SIM1: variants seen among roughly 807,000 people sequenced by gnomAD.
SIM1 encodes the protein single-minded homolog 1.
SIM1 carries 18 observed loss-of-function variants against 78.2 expected under a neutral mutation model. The ratio of observed to expected loss-of-function variants is 0.23; its 90% CI spans 0.16 to 0.34. The LOEUF (loss-of-function observed/expected upper bound fraction) is 0.34, where lower values mean the gene tolerates loss of function less well. Ranked by LOEUF, SIM1 falls within the 10% of genes least tolerant of loss-of-function variation. The pLI is 1.00. For synonymous variants in SIM1, 417 were observed against 385.2 expected (o/e 1.08, Z -0.97); for missense variants, 939 against 975.1 (o/e 0.96, Z 0.49).
Position 100,393,878 on chromosome 6 carries a change from A to T in SIM1, c.1179T>A (p.Phe393Leu), listed in dbSNP as rs772775860. ...GATCAGATTCCGATCTTTCTGTGTG[A>T]AATCCCGAATACTGAAACCGAGTAG... ...RTSPYPQYSG[F>L]HTERSESDHD... The change falls in exon 11 of 12, where the codon TTT becomes TTA. Residue 393 changes from phenylalanine (F) to leucine (L), a missense_variant. Around this residue, in one of 5 missense-constraint regions of SIM1, gnomAD observed 556 missense variants for 521.9 expected, o/e 1.07. Transcript: ENST00000369208. 1 of 1,557,932 alleles carries T rather than the reference A, an allele frequency of 6.4e-7. No individual in the cohort carries two copies. Among genetic ancestry groups the T allele is most frequent in the African/African-American group, 1.4e-5 (1 of 73,316 alleles).
rs749247313 is a variant in SIM1 at position 100,390,369 on chromosome 6, C to T, written c.2293G>A (p.Gly765Arg). ...AATATTTCAGCAAAACATCAGCTTCCGTTGGTTATTATAACAGATGTTCCC... is the reference window on the plus strand; with the variant it reads ...AATATTTCAGCAAAACATCAGCTTCTGTTGGTTATTATAACAGATGTTCCC... ...HKGTSVIITN[G>R]S Residue 765 changes from glycine (G) to arginine (R), a missense_variant, in exon 12 of 12, where the codon GGA becomes AGA. Gly to Arg is a moderately radical substitution (Grantham distance 125). Transcript: ENST00000369208. 16 of 1,610,752 alleles carry T rather than the reference C, an allele frequency of 9.9e-6. No individual in the cohort carries two copies. The highest frequency in any genetic ancestry group is 2.2e-5 in the East Asian group (1 of 44,858).
intron 10 of SIM1, among the ~76,000 whole-genome samples, chr6:100,402,402 T>C (rs1770936662): frequency 6.6e-6 from 1 of 152,046 alleles, no homozygotes; most frequent in Non-Finnish European, 1.5e-5. Context: ...AGCTGGAAGG[T>C]AGTTTGGTAC....
intron 9 of SIM1, among the ~76,000 whole-genome samples, chr6:100,424,648 C>T (rs965510884): frequency 6.6e-6 from 1 of 151,746 alleles, no homozygotes; most frequent in Admixed American, 6.6e-5. Context: ...TCTGTGTTGC[C>T]CAGGTTGGTC....
At chr6:100,406,120 G>C (rs1876156) in intron 10 of SIM1, among the ~76,000 whole-genome samples, 51,942 of 152,046 alleles carry the variant, frequency 0.34, 9,722 homozygotes, top group East Asian at 0.74. Flanking sequence ...TCCCAACTTG[G>C]ATAGATAATG....
intron 10 of SIM1, among the ~76,000 whole-genome samples, chr6:100,416,731 T>G (rs1239825674): frequency 1.3e-5 from 2 of 152,132 alleles, no homozygotes; most frequent in African/African-American, 4.8e-5. Context: ...AAAAGTAAGC[T>G]TTAAAAGTAT....
chr6:100,416,792 A>G (rs185438476), intron 10 of SIM1, among the ~76,000 whole-genome samples: 4 of 152,288 alleles, frequency 2.6e-5, no homozygotes, highest in Non-Finnish European at 4.4e-5. Context: ...ACAAGAAAAG[A>G]TACAAGCAAC....
At chr6:100,411,914 G>GA in intron 10 of SIM1, among the ~76,000 whole-genome samples, 1 of 152,292 alleles carries the variant, frequency 6.6e-6, no homozygotes, top group Non-Finnish European at 1.5e-5. Context: ...CGTGGGGGCA[G>GA]AAAAAGACAA....
At chr6:100,457,259 A>G (rs1325359895) in intron 2 of SIM1, among the ~76,000 whole-genome samples, 1 of 152,218 alleles carries the variant, frequency 6.6e-6, no homozygotes, top group Non-Finnish European at 1.5e-5. Flanking sequence ...ATCTCAATAG[A>G]AATGTATCCT....
intron 3 of SIM1, 106 bp from the exon 4 acceptor site, chr6:100,450,462 G>A: frequency 1.1e-6 from 1 of 942,850 alleles, no homozygotes; most frequent in South Asian, 1.4e-5. Context: ...GTAGAGAGAT[G>A]GAGTGGAGCA....
At chr6:100,401,554 A>C (rs2114475226) in intron 10 of SIM1, among the ~76,000 whole-genome samples, 1 of 152,134 alleles carries the variant, frequency 6.6e-6, no homozygotes, top group African/African-American at 2.4e-5. Context: ...TATGTAACCT[A>C]CTCTAAAATG....
chr6:100,392,042 C>T (rs1386084827), intron 11 of SIM1, among the ~76,000 whole-genome samples: 1 of 152,120 alleles, frequency 6.6e-6, no homozygotes, highest in East Asian at 1.9e-4. Flanking sequence ...GGCGTGGTGG[C>T]AGGCCCCTAT....
In SIM1 at chr6:100,386,024, A is replaced by G. The variant is rs1364964834; in HGVS notation, c.*4337T>C. The G allele has an allele frequency of 1.3e-5, 2 of 152,078 alleles. No homozygotes were observed. The highest frequency in any genetic ancestry group is 2.9e-5 in the Non-Finnish European group (2 of 67,932). 9.4% of individuals were successfully genotyped at this position (152,078 alleles called of 1,614,324 possible). On this transcript the variant is annotated 3_prime_UTR_variant, in exon 12 of 12. Transcript: ENST00000369208. ...ATGTTTTATCCACAATTAGTTCCAC[A>G]GTAAGAACTAGTTCAGTAGATTTTT...
chr6:100,437,573 T>C (rs1772088497), intron 9 of SIM1: 1 of 138,522 alleles, frequency 7.2e-6, no homozygotes, highest in Non-Finnish European at 1.6e-5. Flanking sequence ...GTCTAGATGC[T>C]AAAAAGAAAA....
chr6:100,434,269 G>T (rs1771982605), intron 9 of SIM1, among the ~76,000 whole-genome samples: 1 of 152,112 alleles, frequency 6.6e-6, no homozygotes, highest in Admixed American at 6.6e-5. Flanking sequence ...ACCCTGCAAG[G>T]GTCCATTACC....
At position 100,386,868 on chromosome 6, in the gene SIM1, G is replaced by A. The variant is rs768217164; in HGVS notation, c.*3493C>T. 4 of 152,008 alleles carry A rather than the reference G, an allele frequency of 2.6e-5. No homozygotes were observed. Among genetic ancestry groups the A allele is most frequent in the Non-Finnish European group, 4.4e-5 (3 of 67,916 alleles). 9.4% of individuals were successfully genotyped at this position (152,008 alleles called of 1,614,324 possible). A position where few individuals can be genotyped will look rare whatever the true frequency, so the allele number is the denominator to read the frequency against. On this transcript the variant is annotated 3_prime_UTR_variant, in exon 12 of 12. Transcript: ENST00000369208. ...TCAGGCAATTACAGTTTAGGTAAGC[G>A]AGCACAATATGACAAAAGACTTGTG...
chr6:100,402,538 G>T (rs2114476523), intron 10 of SIM1, among the ~76,000 whole-genome samples: 1 of 141,006 alleles, frequency 7.1e-6, no homozygotes, highest in East Asian at 2.4e-4. Flanking sequence ...AGCCTTTCTT[G>T]GTATTGACAT....
chr6:100,461,608 C>A (rs1338413965), intron 2 of SIM1, among the ~76,000 whole-genome samples: 1 of 152,228 alleles, frequency 6.6e-6, no homozygotes, highest in Non-Finnish European at 1.5e-5. Flanking sequence ...GCTGACAAAT[C>A]ACTGCTAATA....
chr6:100,388,298 CTG>C lies in SIM1; in HGVS notation c.*2061_*2062del, dbSNP rs1429575814. On this transcript the variant is annotated 3_prime_UTR_variant, in exon 12 of 12. Coordinates refer to ENST00000369208, the MANE Select transcript of SIM1 (RefSeq NM_005068.3). ...GCTCACTTATACAAAACATCGCCCTCTGTATACTCAGGTTTCACATTTCTCCA... is the reference window on the plus strand; with the variant it reads ...GCTCACTTATACAAAACATCGCCCTCTATACTCAGGTTTCACATTTCTCCA... 1 of 152,120 alleles carries C rather than the reference CTG, an allele frequency of 6.6e-6. No individual in the cohort carries two copies. Among genetic ancestry groups the C allele is most frequent in the Non-Finnish European group, 1.5e-5 (1 of 68,016 alleles). 9.4% of individuals were successfully genotyped at this position (152,120 alleles called of 1,614,324 possible).
chr6:100,431,298 TTCA>T (rs911085562), intron 9 of SIM1, among the ~76,000 whole-genome samples: 39 of 152,370 alleles, frequency 2.6e-4, no homozygotes, highest in African/African-American at 9.4e-4. Flanking sequence ...GTGCAAACAG[TTCA>T]TTCATACCTA....
Sources: gnomAD v4.1 joint callset for allele counts (sites outside exome capture counted in the v4.1 genomes callset) on GRCh38, gnomAD v4.1.1 for gene constraint, gnomAD v4.1.1 regional missense constraint, MANE v1.5 for transcripts, NCBI Gene and HGNC (gene_info 2026-07-23, HGNC 2026-07-21) for gene names.